OR2V2: variants seen among roughly 807,000 people sequenced by gnomAD.
OR2V2 encodes the protein olfactory receptor 2V2.
For synonymous variants in OR2V2, 161 were observed against 151.3 expected, an observed-to-expected ratio of 1.06 and a Z score of -0.47; for missense variants, 392 against 392.2, an observed-to-expected ratio of 1.00 and a Z score of 0.00.
In OR2V2 at chr5:181,155,515, A is replaced by T; in HGVS notation, c.573A>T (p.Val191=). The change falls in exon 2 of 2, where the codon GTA becomes GTT. Residue 191 remains valine (V), a synonymous_variant. Coordinates refer to ENST00000641492, the MANE Select transcript of OR2V2 (RefSeq NM_206880.2). Reference sequence around the variant, plus strand: ...TATCCTTGTTGAAGCTGGCCTGTGTAGACACATCCCTGTTTGAGAAGGTGA... The same window carrying T: ...TATCCTTGTTGAAGCTGGCCTGTGTTGACACATCCCTGTTTGAGAAGGTGA... ...EMLSLLKLAC[V]DTSLFEKVIF... 6.2e-7 allele frequency: 1 copy of T among 1,614,168 alleles called. No homozygotes were observed. Among genetic ancestry groups the T allele is most frequent in the Non-Finnish European group, 8.5e-7 (1 of 1,180,010 alleles).
intron 1 of OR2V2, among the ~76,000 whole-genome samples, chr5:181,150,165 G>A (rs2113344604): frequency 6.6e-6 from 1 of 152,288 alleles, no homozygotes; most frequent in Middle Eastern, 3.4e-3. Context: ...GGACCCCTGG[G>A]CACATCTTCT....
chr5:181,157,446 C>T lies in OR2V2; in HGVS notation c.*1556C>T, dbSNP rs1763280181. ...TCGTCCAGTTTTCTTCTTCACCTCC[C>T]CATGGGAAAGACTGGTTTGTCAGCG... On this transcript the variant is annotated 3_prime_UTR_variant, in exon 2 of 2. Coordinates refer to ENST00000641492, the MANE Select transcript of OR2V2 (RefSeq NM_206880.2). The T allele has an allele frequency of 6.6e-6, 1 of 152,258 alleles. No homozygotes were observed. Among genetic ancestry groups the T allele is most frequent in the South Asian group, 2.1e-4 (1 of 4,838 alleles). 9.4% of individuals were successfully genotyped at this position (152,258 alleles called of 1,614,324 possible).
At position 181,154,966 on chromosome 5, in the gene OR2V2, C is replaced by T. The variant is rs1185353707; in HGVS notation, c.24C>T (p.Ser8=). The T allele has an allele frequency of 6.2e-7, 1 of 1,614,056 alleles. No individual in the cohort carries two copies. The highest frequency in any genetic ancestry group is 1.1e-5 in the South Asian group (1 of 91,074). ...CCATGGAGACGTGGGTGAACCAGTC[C>T]TACACAGATGGCTTCTTCCTCTTAG... METWVNQ[S]YTDGFFLLGI... The change falls in exon 2 of 2, where the codon TCC becomes TCT. Residue 8 remains serine, a synonymous_variant. Coordinates refer to ENST00000641492, the MANE Select transcript of OR2V2 (RefSeq NM_206880.2).
rs1433914870 is a variant in OR2V2, at chr5:181,156,063, T to A, written c.*173T>A. The A allele has an allele frequency of 2.5e-4, 120 of 471,852 alleles. 2 individuals carry two copies. Among genetic ancestry groups the A allele is most frequent in the East Asian group, 2.4e-3 (75 of 31,150 alleles). The allele number at this position is 471,852 out of a possible 1,614,324, so 29.2% of individuals were successfully genotyped here. On this transcript the variant is annotated 3_prime_UTR_variant, in exon 2 of 2. Coordinates refer to ENST00000641492, the MANE Select transcript of OR2V2 (RefSeq NM_206880.2). The stretch of plus-strand genomic sequence containing the variant: ...AGTTCTTTCTTTCTTTCTTTCTTTC[T>A]TTCTTTCTTTTGTTCTTTCTTTCGT...
In OR2V2 at chr5:181,155,040, TG is replaced by T; in HGVS notation, c.100del (p.Ala34ArgfsTer104). On this transcript the variant is annotated frameshift_variant, in exon 2 of 2. Coordinates refer to ENST00000641492, the MANE Select transcript of OR2V2 (RefSeq NM_206880.2). LOFTEE classifies it low-confidence loss of function (END_TRUNC). ...GACCTTGTCCTCTTCTCCGTGGTTA[TG>T]GCGGTCTTCACAGTGGCCCTCTGTG... The part of the protein sequence containing the change: ...TADLVLFSVV[M>X]AVFTVALCGN... The T allele has an allele frequency of 6.2e-7, 1 of 1,614,220 alleles. No homozygotes were observed. Among genetic ancestry groups the T allele is most frequent in the Non-Finnish European group, 8.5e-7 (1 of 1,180,040 alleles).
chr5:181,155,955 T>C lies in OR2V2; in HGVS notation c.*65T>C. On this transcript the variant is annotated 3_prime_UTR_variant, in exon 2 of 2. Transcript: ENST00000641492. ...TCCAGGGATGTCGGGTTAATAATTC[T>C]CTCATTTTCAGTCTTGGTTTCCTCG... 2 of 1,436,364 alleles carry C rather than the reference T, an allele frequency of 1.4e-6. No homozygotes were observed. The highest frequency in any genetic ancestry group is 2.7e-5 in the South Asian group (2 of 75,026). The allele number at this position is 1,436,364 out of a possible 1,614,324, so 89.0% of individuals were successfully genotyped here. A position where few individuals can be genotyped will look rare whatever the true frequency, so the allele number is the denominator to read the frequency against.
At position 181,155,411 on chromosome 5, in the gene OR2V2, G is replaced by A; in HGVS notation, c.469G>A (p.Gly157Ser). 1 of 1,614,202 alleles carries A rather than the reference G, an allele frequency of 6.2e-7. No homozygotes were observed. Among genetic ancestry groups the A allele is most frequent in the Non-Finnish European group, 8.5e-7 (1 of 1,180,038 alleles). ...GSSWAFGIID[G>S]LIQMVVVMNF... ...CTCCTGGGCCTTTGGGATAATCGAT[G>A]GCTTGATCCAGATGGTGGTAGTAAT... The change falls in exon 2 of 2, where the codon GGC (glycine) becomes AGC (serine). Residue 157 changes from glycine to serine, a missense_variant. Gly to Ser is a moderately conservative substitution (Grantham distance 56). Transcript: ENST00000641492.
chr5:181,150,958 C>G (rs773671749), intron 1 of OR2V2, among the ~76,000 whole-genome samples: 1 of 152,180 alleles, frequency 6.6e-6, no homozygotes, highest in South Asian at 2.1e-4. Flanking sequence ...CACCCTGGAC[C>G]ACCCTGTCTC....
rs1763259455 is a variant in OR2V2, at chr5:181,155,970, T to C, written c.*80T>C. 2 of 1,345,350 alleles carry C rather than the reference T, an allele frequency of 1.5e-6. No homozygotes were observed. Among genetic ancestry groups the C allele is most frequent in the Non-Finnish European group, 2.0e-6 (2 of 986,360 alleles). 83.3% of individuals were successfully genotyped at this position (1,345,350 alleles called of 1,614,324 possible). A position where few individuals can be genotyped will look rare whatever the true frequency, so the allele number is the denominator to read the frequency against. ...TTAATAATTCTCTCATTTTCAGTCT[T>C]GGTTTCCTCGTGAATTATGATGATT... On this transcript the variant is annotated 3_prime_UTR_variant, in exon 2 of 2. Transcript: ENST00000641492.
In OR2V2 at chr5:181,156,182, T is replaced by A; in HGVS notation, c.*292T>A. The stretch of plus-strand genomic sequence containing the variant: ...AGTGCAGTGACACAATCTCGGCTTA[T>A]AGCAGCCTTGATCTCCTGGGCTCAG... On this transcript the variant is annotated 3_prime_UTR_variant, in exon 2 of 2. Transcript: ENST00000641492. The A allele has an allele frequency of 3.1e-6, 1 of 318,860 alleles. No individual in the cohort carries two copies. The highest frequency in any genetic ancestry group is 5.7e-6 in the Non-Finnish European group (1 of 175,768). The allele number at this position is 318,860 out of a possible 1,614,324, so 19.8% of individuals were successfully genotyped here.
chr5:181,148,956 A>C (rs185217856), intron 1 of OR2V2, among the ~76,000 whole-genome samples: 40 of 152,356 alleles, frequency 2.6e-4, no homozygotes, highest in African/African-American at 8.9e-4. Context: ...CAGGGAGGCC[A>C]GGGATCCAGG....
chr5:181,155,601 C>A lies in OR2V2; in HGVS notation c.659C>A (p.Ala220Asp), dbSNP rs757469535. The A allele has an allele frequency of 5.6e-6, 9 of 1,614,216 alleles. No individual in the cohort carries two copies. In the East Asian group the frequency reaches 2.0e-4, roughly 36 times the overall value. Reference protein sequence around the residue: ...FPFSIIVASYAHILGTVLQMH... With the variant: ...FPFSIIVASYDHILGTVLQMH... ...TTCTCCATCATCGTGGCCTCCTATG[C>A]TCACATTCTAGGGACTGTGCTGCAA... The change falls in exon 2 of 2, where the codon GCT (alanine) becomes GAT (aspartate). Residue 220 changes from alanine to aspartate, a missense_variant. Transcript: ENST00000641492.
At chr5:181,149,898 G>C (rs1763171971) in intron 1 of OR2V2, among the ~76,000 whole-genome samples, 1 of 152,256 alleles carries the variant, frequency 6.6e-6, no homozygotes, top group African/African-American at 2.4e-5. Flanking sequence ...GAGAAAGAGA[G>C]AGAGAATCAG....
intron 1 of OR2V2, among the ~76,000 whole-genome samples, chr5:181,153,556 G>A (rs1763219299): frequency 6.6e-6 from 1 of 152,116 alleles, no homozygotes; most frequent in African/African-American, 2.4e-5. Context: ...GCCTGGCATG[G>A]TGGCAGGCAC....
chr5:181,151,351 G>A (rs1763188779), intron 1 of OR2V2, among the ~76,000 whole-genome samples: 1 of 152,216 alleles, frequency 6.6e-6, no homozygotes. Context: ...GGCATATCCT[G>A]AGCACAAGAC....
At chr5:181,150,898 G>A (rs1266359664) in intron 1 of OR2V2, among the ~76,000 whole-genome samples, 1 of 152,144 alleles carries the variant, frequency 6.6e-6, no homozygotes, top group Admixed American at 6.5e-5. Flanking sequence ...GATTACTTGA[G>A]CCCAGGAGGT....
rs369495119 is a variant in OR2V2, at chr5:181,155,705, G to C, written c.763G>C (p.Ala255Pro). The C allele has an allele frequency of 1.2e-6, 2 of 1,614,186 alleles. No individual in the cohort carries two copies. The highest frequency in any genetic ancestry group is 2.2e-5 in the South Asian group (2 of 91,074). Residue 255 changes from alanine to proline, a missense_variant, in exon 2 of 2, where the codon GCA becomes CCA. Coordinates refer to ENST00000641492, the MANE Select transcript of OR2V2 (RefSeq NM_206880.2). ...HLTAVTLFYG[A>P]AMFIYLRPRH... ...GACAGCTGTCACCCTCTTCTATGGG[G>C]CAGCCATGTTCATCTACCTGAGGCC...
chr5:181,152,736 T>C (rs1763207790), intron 1 of OR2V2, among the ~76,000 whole-genome samples: 1 of 152,226 alleles, frequency 6.6e-6, no homozygotes, highest in African/African-American at 2.4e-5. Context: ...GGCGATTTCC[T>C]TCCACTCTCT....
chr5:181,156,816 A>C lies in OR2V2; in HGVS notation c.*926A>C, dbSNP rs1354066705. 6.6e-6 allele frequency: 1 copy of C among 152,202 alleles called. No individual in the cohort carries two copies. The highest frequency in any genetic ancestry group is 1.5e-5 in the Non-Finnish European group (1 of 68,038). 9.4% of individuals were successfully genotyped at this position (152,202 alleles called of 1,614,324 possible). A position where few individuals can be genotyped will look rare whatever the true frequency, so the allele number is the denominator to read the frequency against. On this transcript the variant is annotated 3_prime_UTR_variant, in exon 2 of 2. Transcript: ENST00000641492. ...TCTTTAGAGAATGTCTACTCCTCAC[A>C]CTGGAAACTTCATAAAGACGTATTA...
Sources: gnomAD v4.1 joint callset for allele counts (sites outside exome capture counted in the v4.1 genomes callset) on GRCh38, gnomAD v4.1.1 for gene constraint, MANE v1.5 for transcripts, NCBI Gene and HGNC (gene_info 2026-07-23, HGNC 2026-07-21) for gene names.